SPACA6: variants seen among roughly 807,000 people sequenced by gnomAD.
SPACA6 encodes the protein sperm acrosome membrane-associated protein 6.
For synonymous variants in SPACA6, 6 were observed against 1.5 expected, an observed-to-expected ratio of 4.05 and a Z score of -2.21; for missense variants, 8 against 2.8, an observed-to-expected ratio of 2.88 and a Z score of -1.34.
intron 2 of SPACA6, among the ~76,000 whole-genome samples, chr19:51,701,188 C>T (rs1419397727): frequency 2.0e-5 from 3 of 152,100 alleles, no homozygotes; most frequent in Non-Finnish European, 2.9e-5. Context: ...CACCACTGCA[C>T]TCCAGCCTGG....
chr19:51,701,135 T>A (rs2083465342), intron 2 of SPACA6, among the ~76,000 whole-genome samples: 1 of 151,946 alleles, frequency 6.6e-6, no homozygotes, highest in African/African-American at 2.4e-5. Context: ...GGCAGGAGAA[T>A]CACTTGAACC....
chr19:51,704,754 C>G, intron 8 of SPACA6: 2 of 388,712 alleles, frequency 5.1e-6, no homozygotes, highest in Non-Finnish European at 9.0e-6. Flanking sequence ...CCCTCAGACC[C>G]AGGATTCCAG....
At chr19:51,691,311 G>A (rs375436470), upstream of SPACA6, among the ~76,000 whole-genome samples, 33 of 151,614 alleles carry the variant, frequency 2.2e-4, no homozygotes, top group East Asian at 5.7e-3. Context: ...CAGAGACTGA[G>A]AGAGAGCAGG....
At chr19:51,711,234 T>A (rs1228280432) in intron 2 of SPACA6, among the ~76,000 whole-genome samples, 2 of 152,196 alleles carry the variant, frequency 1.3e-5, no homozygotes, top group Non-Finnish European at 2.9e-5. Flanking sequence ...GCAGTTTCTA[T>A]GGAGAGCTAG....
upstream of SPACA6, among the ~76,000 whole-genome samples, chr19:51,688,901 G>A (rs1037824882): frequency 1.4e-5 from 1 of 72,824 alleles, no homozygotes; most frequent in Non-Finnish European, 3.1e-5. Flanking sequence ...GAGGGAAAGA[G>A]GGAGAGAGAG....
At chr19:51,709,993 C>T (rs1291280058), downstream of SPACA6, among the ~76,000 whole-genome samples, 5 of 152,158 alleles carry the variant, frequency 3.3e-5, no homozygotes, top group African/African-American at 7.2e-5. Context: ...GCACCAGCCA[C>T]GTGTGGCCGT....
At chr19:51,697,524 C>T (rs572412033) in intron 2 of SPACA6, among the ~76,000 whole-genome samples, 2 of 152,264 alleles carry the variant, frequency 1.3e-5, no homozygotes, top group Non-Finnish European at 2.9e-5. Flanking sequence ...TTTATAGCCC[C>T]GCTTATCAGA....
chr19:51,689,818 A>G (rs1458410259), upstream of SPACA6, among the ~76,000 whole-genome samples: 1 of 151,530 alleles, frequency 6.6e-6, no homozygotes, highest in African/African-American at 2.4e-5. Context: ...GAGGGAGGAC[A>G]GAGATGGGGG....
chr19:51,690,064 C>A (rs1242717945), upstream of SPACA6, among the ~76,000 whole-genome samples: 1 of 149,114 alleles, frequency 6.7e-6, no homozygotes, highest in Non-Finnish European at 1.5e-5. Flanking sequence ...GCCAGACAGG[C>A]CAGGGTCAGC....
chr19:51,687,562 T>C (rs999690664), upstream of SPACA6: 1 of 150,250 alleles, frequency 6.7e-6, no homozygotes, highest in Non-Finnish European at 1.5e-5. Flanking sequence ...GGGTGGTATA[T>C]ATGTGCATAG....
At chr19:51,695,477 C>T (rs2083423169) in intron 2 of SPACA6, among the ~76,000 whole-genome samples, 1 of 152,228 alleles carries the variant, frequency 6.6e-6, no homozygotes, top group Non-Finnish European at 1.5e-5. Context: ...CTTTTGCTTC[C>T]TGCTTTGCCC....
In SPACA6 at chr19:51,701,767, A is replaced by G. The variant is rs1222454098; in HGVS notation, c.361+41A>G. 13 of 397,250 alleles carry G rather than the reference A, an allele frequency of 3.3e-5. No individual in the cohort carries two copies. In the East Asian group the frequency reaches 3.9e-4, roughly 12 times the overall value. 24.6% of individuals were successfully genotyped at this position (397,250 alleles called of 1,614,324 possible). A position where few individuals can be genotyped will look rare whatever the true frequency, so the allele number is the denominator to read the frequency against. On this transcript the variant is annotated intron_variant, in intron 3 of 8. Coordinates refer to ENST00000637797, the MANE Select transcript of SPACA6 (RefSeq NM_001316972.2). Reference sequence around the variant, plus strand: ...TCTCTCCTTCCCCAGACACACACACACACAATTAGAAAACCCCACTTTTGG... The same window carrying G: ...TCTCTCCTTCCCCAGACACACACACGCACAATTAGAAAACCCCACTTTTGG...
chr19:51,690,128 G>C (rs2083357279), upstream of SPACA6, among the ~76,000 whole-genome samples: 1 of 151,610 alleles, frequency 6.6e-6, no homozygotes, highest in African/African-American at 2.4e-5. Context: ...ATGCTCCCTC[G>C]GGGACCCGGG....
intron 2 of SPACA6, among the ~76,000 whole-genome samples, chr19:51,696,527 A>G (rs1176898161): frequency 1.3e-5 from 2 of 152,066 alleles, no homozygotes; most frequent in Non-Finnish European, 2.9e-5. Flanking sequence ...ACCTCACTAC[A>G]GCTTCAAACT....
Position 51,697,483 on chromosome 19 carries a change from G to A in SPACA6, c.292+2928G>A, listed in dbSNP as rs887193041. Among the ~76,000 whole-genome samples, 10 of 152,294 alleles carry A rather than the reference G, an allele frequency of 6.6e-5. 1 individual carries two copies. The highest frequency in any genetic ancestry group is 6.5e-4 in the Admixed American group (10 of 15,298). ...ATTCATATTAAGTATCTTCCTAAAG[G>A]ATATCCTCTACCGGCCCTGTGAGGC... is the stretch of plus-strand genomic sequence containing the variant. On this transcript the variant is annotated intron_variant, in intron 2 of 8. Coordinates refer to ENST00000637797, the MANE Select transcript of SPACA6 (RefSeq NM_001316972.2).
chr19:51,712,799 T>G (rs927208839), downstream of SPACA6, among the ~76,000 whole-genome samples: 1 of 151,932 alleles, frequency 6.6e-6, no homozygotes, highest in African/African-American at 2.4e-5. Flanking sequence ...TGCTGGAGGT[T>G]TGAGGAGAAA....
intron 2 of SPACA6, among the ~76,000 whole-genome samples, chr19:51,699,989 C>A (rs1227770165): frequency 2.6e-5 from 4 of 152,206 alleles, no homozygotes; most frequent in Non-Finnish European, 5.9e-5. Flanking sequence ...CATGGTGGCC[C>A]ACACCTGTAA....
upstream of SPACA6, chr19:51,687,146 C>G (rs2083331655): frequency 6.6e-6 from 1 of 152,120 alleles, no homozygotes; most frequent in Admixed American, 6.5e-5. Context: ...CCTGTAGTTC[C>G]AACCACGTGG....
intron 2 of SPACA6, among the ~76,000 whole-genome samples, chr19:51,696,341 G>A (rs2083430839): frequency 6.6e-6 from 1 of 152,144 alleles, no homozygotes; most frequent in South Asian, 2.1e-4. Context: ...GTGGAGTCTG[G>A]GGAGATAGAC....
Sources: gnomAD v4.1 joint callset for allele counts (sites outside exome capture counted in the v4.1 genomes callset) on GRCh38, gnomAD v4.1.1 for gene constraint, MANE v1.5 for transcripts, NCBI Gene and HGNC (gene_info 2026-07-23, HGNC 2026-07-21) for gene names.